TCTN1: variants seen among roughly 807,000 people sequenced by gnomAD.
TCTN1 encodes the protein tectonic-1.
Under a neutral mutation model 65.8 loss-of-function variants are expected in TCTN1, and 58 were observed. The ratio of observed to expected loss-of-function variants is 0.88; its 90% CI spans 0.71 to 1.10. TCTN1 has a LOEUF of 1.10. Among genes scored for constraint, TCTN1 ranks in the 50% least tolerant of loss-of-function variants. The probability of loss-of-function intolerance (pLI) is 0.00; values close to 1 mark genes in which losing one functional copy is unlikely to be tolerated. For synonymous variants in TCTN1, 273 were observed against 289.1 expected (o/e 0.94, Z 0.57); for missense variants, 645 against 719.4 (o/e 0.90, Z 1.18).
At chr12:110,642,129 C>G (rs1211669271) in intron 10 of TCTN1, 120 bp from the exon 11 acceptor site, 1 of 1,338,214 alleles carries the variant, frequency 7.5e-7, no homozygotes, top group Admixed American at 1.9e-5. Context: ...CTGTCAAAAT[C>G]CCAGAGGCCC....
At chr12:110,641,806 G>A (rs1033387154) in intron 10 of TCTN1, 179 bp downstream of exon 10, 2 of 620,820 alleles carry the variant, frequency 3.2e-6, no homozygotes, top group East Asian at 2.8e-5. Flanking sequence ...CAGGTGGGCT[G>A]GGGGGAGACT....
rs73419336 is a variant in TCTN1, at chr12:110,644,932, G to A, written c.1332-35G>A. On this transcript the variant is annotated intron_variant, in intron 11 of 14. Coordinates refer to ENST00000397659, the MANE Select transcript of TCTN1 (RefSeq NM_001082538.3). This position sits in a 1 kb window ranked among gnomAD's most constrained non-coding sequence, Gnocchi z 4.6. ...AAAAACTGCTGGTGGATGAACAACA[G>A]CCTCATTCAGTTGACTTCTTTTTCC... 1.9e-6 allele frequency: 3 copies of A among 1,613,808 alleles called. No homozygotes were observed. The highest frequency in any genetic ancestry group is 2.5e-6 in the Non-Finnish European group (3 of 1,179,750).
rs759674674 is a variant in TCTN1 at position 110,628,883 on chromosome 12, A to T, written c.589A>T (p.Thr197Ser). 6.2e-7 allele frequency: 1 copy of T among 1,613,804 alleles called. No homozygotes were observed. The highest frequency in any genetic ancestry group is 2.2e-5 in the East Asian group (1 of 44,820). The change falls in exon 4 of 15, where the codon ACC (threonine) becomes TCC (serine). Residue 197 changes from threonine (T) to serine (S), a missense_variant. Coordinates refer to ENST00000397659, the MANE Select transcript of TCTN1 (RefSeq NM_001082538.3). The stretch of plus-strand genomic sequence containing the variant: ...TGCTGAATCATATGTTTCCTTCACA[A>T]CCAAACTGGATATTCCTACTGCTGC... ...LNAESYVSFTTKLDIPTAAKY... is the reference protein window; with the variant it reads ...LNAESYVSFTSKLDIPTAAKY...
intron 5 of TCTN1, among the ~76,000 whole-genome samples, chr12:110,633,404 G>C (rs1217289779): frequency 6.6e-6 from 1 of 152,208 alleles, no homozygotes; most frequent in African/African-American, 2.4e-5. Context: ...CACTTTGGGA[G>C]GCTGAGGTGG....
At chr12:110,648,938 C>A (rs920208721) in intron 14 of TCTN1, 105 bp from the exon 15 acceptor site, 10 of 422,854 alleles carry the variant, frequency 2.4e-5, no homozygotes, top group African/African-American at 2.1e-4. Flanking sequence ...GGCCTGGGTA[C>A]CCCTTTTGGG....
chr12:110,647,712 C>T (rs1462235349), intron 13 of TCTN1, 37 bp from the exon 14 acceptor site: 1 of 1,614,136 alleles, frequency 6.2e-7, no homozygotes, highest in Non-Finnish European at 8.5e-7. Flanking sequence ...TGGGAGCACA[C>T]TGGAGGGTGG....
At chr12:110,619,272 A>G (rs2065257961) in intron 1 of TCTN1, among the ~76,000 whole-genome samples, 2 of 152,212 alleles carry the variant, frequency 1.3e-5, no homozygotes, top group Non-Finnish European at 2.9e-5. Context: ...CACCAAAGAC[A>G]TTCTGAGCAC....
chr12:110,619,737 C>CT (rs1050903606), intron 1 of TCTN1, 99 bp from the exon 2 acceptor site: 33 of 1,584,918 alleles, frequency 2.1e-5, no homozygotes, highest in African/African-American at 9.4e-5. Flanking sequence ...TAAAATGGAT[C>CT]TTTTTTATGA....
At chr12:110,645,230 C>T in intron 12 of TCTN1, 101 bp downstream of exon 12, 1 of 1,504,624 alleles carries the variant, frequency 6.6e-7, no homozygotes, top group Non-Finnish European at 9.0e-7. Context: ...GGCAGGATGG[C>T]CCTGAGTGGG....
At position 110,626,390 on chromosome 12, in the gene TCTN1, G is replaced by A. The variant is rs1565971006; in HGVS notation, c.370G>A (p.Ala124Thr). The stretch of plus-strand genomic sequence containing the variant: ...CGACAGCCAGTTTTGTAGTCAAAAA[G>A]CAGTCATCTATTCATTGAATTTTAC... ...TGDSQFCSQKAVIYSLNFTAN... is the reference protein window; with the variant it reads ...TGDSQFCSQKTVIYSLNFTAN... Residue 124 changes from alanine (A) to threonine (T), a missense_variant, in exon 3 of 15, where the codon GCA becomes ACA. Coordinates refer to ENST00000397659, the MANE Select transcript of TCTN1 (RefSeq NM_001082538.3). 6.3e-7 allele frequency: 1 copy of A among 1,596,828 alleles called. No homozygotes were observed. The highest frequency in any genetic ancestry group is 1.7e-5 in the Admixed American group (1 of 57,562).
chr12:110,646,363 G>A (rs906758754), intron 12 of TCTN1: 1 of 152,080 alleles, frequency 6.6e-6, no homozygotes, highest in African/African-American at 2.4e-5. Context: ...AGGCCTGTGA[G>A]GTTTTCATAT....
intron 10 of TCTN1, chr12:110,641,944 G>A (rs2066987181): frequency 1.8e-6 from 1 of 550,090 alleles, no homozygotes. Context: ...AATCTTAAGA[G>A]AGAAAAGTTG....
chr12:110,639,170 C>G lies in TCTN1; in HGVS notation c.844-1213C>G, dbSNP rs2066786256. On this transcript the variant is annotated intron_variant, in intron 7 of 14. Transcript: ENST00000397659. This position sits in a 1 kb window ranked among gnomAD's most constrained non-coding sequence, Gnocchi z 4.9. ...GAGTGCAAGTTCAAAGTGGTATAAA[C>G]AACTGTTAATAGATACATGAGGCTC... Among the ~76,000 whole-genome samples the G allele has an allele frequency of 6.6e-6, 1 of 152,200 alleles. No homozygotes were observed. Among genetic ancestry groups the G allele is most frequent in the African/African-American group, 2.4e-5 (1 of 41,452 alleles).
chr12:110,634,693 A>T lies in TCTN1; in HGVS notation c.736A>T (p.Lys246Ter), dbSNP rs748215804. 3.4e-5 allele frequency: 54 copies of T among 1,610,808 alleles called. No individual in the cohort carries two copies. Among genetic ancestry groups the T allele is most frequent in the Non-Finnish European group, 4.5e-5 (53 of 1,178,328 alleles). ...PAAFLVNQAV[K>*]CTRKINLEQC... ...AGCGTTTCTGGTGAACCAGGCTGTT[A>T]AGTGCACCAGAAAAATAAATTTAGA... The change falls in exon 6 of 15, where the codon AAG (lysine) becomes TAG (stop). Residue 246 changes from lysine (K) to a stop codon, truncating the protein, a stop_gained. Transcript: ENST00000397659. LOFTEE classifies it high-confidence loss of function.
chr12:110,615,534 G>T (rs1413672184), intron 1 of TCTN1, among the ~76,000 whole-genome samples: 2 of 152,144 alleles, frequency 1.3e-5, no homozygotes, highest in African/African-American at 4.8e-5. Context: ...AGGCTGGAGT[G>T]CAGTGGCGTG....
chr12:110,645,566 G>C (rs1008253991), intron 12 of TCTN1: 2 of 239,428 alleles, frequency 8.4e-6, no homozygotes, highest in Admixed American at 1.0e-4. Context: ...ATCAAAGACT[G>C]AGACTGACTT....
Position 110,629,944 on chromosome 12 carries a change from A to G in TCTN1, c.624+1026A>G, listed in dbSNP as rs147906750. On this transcript the variant is annotated intron_variant, in intron 4 of 14. Coordinates refer to ENST00000397659, the MANE Select transcript of TCTN1 (RefSeq NM_001082538.3). ...GGATGAGTTCATGTCCTTTGTAGGA[A>G]ACCATCATTCTCAGCAAACTAACAT... The G allele has an allele frequency of 3.3e-5, 5 of 152,306 alleles. No homozygotes were observed. In the East Asian group the frequency reaches 9.6e-4, roughly 29 times the overall value. 9.4% of individuals were successfully genotyped at this position (152,306 alleles called of 1,614,324 possible).
At chr12:110,614,522 C>G in intron 1 of TCTN1, 120 bp downstream of exon 1, 6 of 1,520,288 alleles carry the variant, frequency 3.9e-6, no homozygotes, top group Non-Finnish European at 5.3e-6. Context: ...GCAGACACTG[C>G]TGAGTGTTCC....
chr12:110,641,267 G>A, intron 9 of TCTN1, 118 bp downstream of exon 9: 2 of 1,399,070 alleles, frequency 1.4e-6, no homozygotes, highest in South Asian at 2.4e-5. Context: ...AGTGAACAGA[G>A]GGCTTTGTGT....
Sources: gnomAD v4.1 joint callset for allele counts (sites outside exome capture counted in the v4.1 genomes callset) on GRCh38, gnomAD v4.1.1 for gene constraint, Gnocchi (gnomAD v3.1) non-coding constraint, MANE v1.5 for transcripts, NCBI Gene and HGNC (gene_info 2026-07-23, HGNC 2026-07-21) for gene names.